TMPRSS15: variants seen among roughly 807,000 people sequenced by gnomAD.
The protein encoded by TMPRSS15 is enteropeptidase.
Under a neutral mutation model 125.3 loss-of-function variants are expected in TMPRSS15, and 128 were observed. That is an observed-to-expected ratio of 1.02 (90% CI 0.89 to 1.18). The LOEUF is 1.18. Ranked by LOEUF, TMPRSS15 falls within the 50% of genes most tolerant of loss-of-function variation. The pLI is 0.00. For missense variants in TMPRSS15, 1,283 were observed against 1,212.7 expected (o/e 1.06, Z -0.86); for synonymous variants, 446 against 423.2 (o/e 1.05, Z -0.66).
chr21:18,412,835 C>T (rs1413656469), intron 1 of TMPRSS15, among the ~76,000 whole-genome samples: 3 of 152,060 alleles, frequency 2.0e-5, no homozygotes, highest in Non-Finnish European at 4.4e-5. Context: ...ACAGGGAAGT[C>T]AATGACAGAA....
chr21:18,321,871 G>A (rs2146953987), intron 16 of TMPRSS15, among the ~76,000 whole-genome samples: 1 of 152,204 alleles, frequency 6.6e-6, no homozygotes, highest in South Asian at 2.1e-4. Context: ...TCACTTCCCA[G>A]CAGCATCTGT....
rs751918894 is a variant in TMPRSS15, at chr21:18,413,780, T to C, written c.11-15451A>G. Among the ~76,000 whole-genome samples, 6 of 151,972 alleles carry C rather than the reference T, an allele frequency of 3.9e-5. No homozygotes were observed. In the East Asian group the frequency reaches 7.8e-4, roughly 20 times the overall value. On this transcript the variant is annotated intron_variant, in intron 1 of 7. Coordinates refer to the TMPRSS15 transcript ENST00000422787. ...TCTTGCTCTGTCGCCCAGACTGGAG[T>C]GCAGTGGTATGATCATAGCTCACTG...
chr21:18,404,401 G>C (rs1260249132), upstream of TMPRSS15, among the ~76,000 whole-genome samples: 4 of 152,142 alleles, frequency 2.6e-5, no homozygotes, highest in Non-Finnish European at 2.9e-5. Context: ...AAAATAGTCT[G>C]GGTGGGGAAG....
intron 1 of TMPRSS15, among the ~76,000 whole-genome samples, chr21:18,451,623 C>T (rs1364879036): frequency 4.6e-5 from 7 of 152,156 alleles, no homozygotes; most frequent in Non-Finnish European, 5.9e-5. Context: ...TTGTCTTTCT[C>T]TCTACAATTT....
intron 1 of TMPRSS15, among the ~76,000 whole-genome samples, chr21:18,437,007 G>T (rs1177044684): frequency 6.9e-6 from 1 of 144,648 alleles, no homozygotes; most frequent in East Asian, 2.0e-4. Flanking sequence ...AAAAGAGCCC[G>T]CATCGCCAAG....
chr21:18,468,704 T>C (rs1030383488), intron 1 of TMPRSS15, among the ~76,000 whole-genome samples: 2 of 152,190 alleles, frequency 1.3e-5, no homozygotes, highest in Non-Finnish European at 1.5e-5. Flanking sequence ...ATAATTGTTT[T>C]CTTTACCCAC....
chr21:18,322,006 A>T lies in TMPRSS15; in HGVS notation c.1921+4426T>A, dbSNP rs139917435. On this transcript the variant is annotated intron_variant, in intron 16 of 24. Coordinates refer to ENST00000284885, the MANE Select transcript of TMPRSS15 (RefSeq NM_002772.3). The stretch of plus-strand genomic sequence containing the variant: ...CCTTAAAAATAACTTCATACATTAC[A>T]TACTAATTTAACAGTATAAATGAAA... 6.6e-3 allele frequency among the ~76,000 whole-genome samples: 1,006 copies of T among 152,328 alleles called. 18 individuals carry two copies. Among genetic ancestry groups the T allele is most frequent in the African/African-American group, 0.022 (935 of 41,562 alleles).
chr21:18,297,799 AG>A lies in TMPRSS15; in HGVS notation c.2195del (p.Pro732LeufsTer10). The A allele has an allele frequency of 1.2e-6, 2 of 1,613,730 alleles. No individual in the cohort carries two copies. The highest frequency in any genetic ancestry group is 2.7e-5 in the African/African-American group (2 of 75,030). On this transcript the variant is annotated frameshift_variant, in exon 19 of 25. Coordinates refer to ENST00000284885, the MANE Select transcript of TMPRSS15 (RefSeq NM_002772.3). LOFTEE classifies it high-confidence loss of function. ...ATTTGACAAATGGTCCACCATCGGTAGGGAAGATTGGCTTTGATGAGTTTCC... is the reference window on the plus strand; with the variant it reads ...ATTTGACAAATGGTCCACCATCGGTAGGAAGATTGGCTTTGATGAGTTTCC... ...GSGNSSKPIF[P>X]TDGGPFVKLN...
intron 17 of TMPRSS15, among the ~76,000 whole-genome samples, chr21:18,314,382 G>A (rs147979995): frequency 9.6e-4 from 146 of 152,244 alleles, no homozygotes; most frequent in African/African-American, 2.9e-3. Context: ...AGGTTCAAGC[G>A]ATTCTCCTGC....
intron 18 of TMPRSS15, among the ~76,000 whole-genome samples, chr21:18,308,598 CTTTTT>C (rs33940921): frequency 6.7e-6 from 1 of 148,590 alleles, no homozygotes; most frequent in Non-Finnish European, 1.5e-5. Context: ...TACACTGAGA[CTTTTT>C]TTTTTTTTTT....
intron 18 of TMPRSS15, among the ~76,000 whole-genome samples, chr21:18,311,552 T>C (rs978545291): frequency 6.6e-6 from 1 of 152,046 alleles, no homozygotes; most frequent in Non-Finnish European, 1.5e-5. Flanking sequence ...CTCTCACCCC[T>C]GTTATAATAG....
At chr21:18,388,236 CATT>C (rs1217438179) in intron 3 of TMPRSS15, among the ~76,000 whole-genome samples, 1 of 152,070 alleles carries the variant, frequency 6.6e-6, no homozygotes, top group African/African-American at 2.4e-5. Flanking sequence ...ATTTGACAGT[CATT>C]ATAAAATATT....
chr21:18,407,407 G>C (rs2076154762), upstream of TMPRSS15, among the ~76,000 whole-genome samples: 1 of 150,404 alleles, frequency 6.6e-6, no homozygotes, highest in African/African-American at 2.4e-5. Flanking sequence ...AAAATTGAAA[G>C]AAACTTTATG....
At chr21:18,473,723 C>A (rs1297453827) in intron 1 of TMPRSS15, among the ~76,000 whole-genome samples, 1 of 151,930 alleles carries the variant, frequency 6.6e-6, no homozygotes, top group Non-Finnish European at 1.5e-5. Flanking sequence ...ATAATACCAC[C>A]CATTCACATC....
At chr21:18,321,564 G>A (rs1398714369) in intron 16 of TMPRSS15, among the ~76,000 whole-genome samples, 1 of 152,052 alleles carries the variant, frequency 6.6e-6, no homozygotes, top group Non-Finnish European at 1.5e-5. Flanking sequence ...GTGTTAGCCA[G>A]GATGGTCTCA....
chr21:18,297,893 A>G, intron 18 of TMPRSS15, 64 bp from the exon 19 acceptor site: 1 of 1,268,828 alleles, frequency 7.9e-7, no homozygotes, highest in Non-Finnish European at 1.1e-6. Context: ...CATAAGTTAG[A>G]CTTTCAGTTC....
chr21:18,480,093 A>G (rs1221094656), intron 1 of TMPRSS15, among the ~76,000 whole-genome samples: 1 of 152,046 alleles, frequency 6.6e-6, no homozygotes, highest in Non-Finnish European at 1.5e-5. Flanking sequence ...TTGCAGGGAC[A>G]TGGAGGAAGC....
chr21:18,308,082 A>C (rs1194449356), intron 18 of TMPRSS15, among the ~76,000 whole-genome samples: 6 of 152,156 alleles, frequency 3.9e-5, no homozygotes, highest in South Asian at 2.1e-4. Context: ...TAAGTTCCTG[A>C]GTCTATACAG....
chr21:18,458,701 A>C (rs939148990), intron 1 of TMPRSS15, among the ~76,000 whole-genome samples: 13 of 152,156 alleles, frequency 8.5e-5, no homozygotes, highest in Non-Finnish European at 1.8e-4. Flanking sequence ...ATTAAGCGTT[A>C]GTTCTAACAA....
Sources: gnomAD v4.1 joint callset for allele counts (sites outside exome capture counted in the v4.1 genomes callset) on GRCh38, gnomAD v4.1.1 for gene constraint, MANE v1.5 for transcripts, NCBI Gene and HGNC (gene_info 2026-07-23, HGNC 2026-07-21) for gene names.